The following POC5 variants were observed in gnomAD, a reference collection of about 807,000 sequenced individuals.
POC5 encodes POC5 centriolar protein.
POC5 carries 48 observed loss-of-function variants against 62.9 expected under a neutral mutation model. The observed-to-expected ratio is 0.76, with a 90% CI of 0.61 to 0.97. POC5 has a LOEUF of 0.97. POC5 is among the 50% of genes least tolerant of loss of function. The pLI is 0.00. For synonymous variants in POC5, 236 were observed against 228.2 expected (o/e 1.03, Z -0.31); for missense variants, 696 against 679.5 (o/e 1.02, Z -0.27).
chr5:75,705,910 G>A (rs1777098692), intron 3 of POC5, 123 bp from the exon 4 acceptor site: 11 of 566,844 alleles, frequency 1.9e-5, no homozygotes, highest in South Asian at 2.8e-5. Flanking sequence ...CAACATGCTG[G>A]GGATATAGGA....
rs199744659 is a variant in POC5, at chr5:75,707,834, T to C, written c.126A>G (p.Pro42=). The C allele has an allele frequency of 1.1e-3, 1,693 of 1,590,662 alleles. 12 individuals carry two copies. The highest frequency in any genetic ancestry group is 8.8e-3 in the South Asian group (776 of 87,780). ...ACTGTGAAGCACAGGGTTCAATATTTGGAGTCACTATAGCATAATGAAGCA... is the reference window on the plus strand; with the variant it reads ...ACTGTGAAGCACAGGGTTCAATATTCGGAGTCACTATAGCATAATGAAGCA... ...EELLHYAIVT[P]NIEPCASQSS... The change falls in exon 3 of 12, where the codon CCA becomes CCG. Residue 42 remains proline, a synonymous_variant. Coordinates refer to ENST00000428202, the MANE Select transcript of POC5 (RefSeq NM_001099271.2).
At chr5:75,674,672 C>T in intron 11 of POC5, 94 bp from the exon 12 acceptor site, 1 of 1,443,882 alleles carries the variant, frequency 6.9e-7, no homozygotes, top group South Asian at 1.3e-5. Context: ...ACCCAATAAA[C>T]ATTTGTTAAG....
At chr5:75,708,813 T>C (rs2112202397) in intron 2 of POC5, among the ~76,000 whole-genome samples, 1 of 152,282 alleles carries the variant, frequency 6.6e-6, no homozygotes, top group South Asian at 2.1e-4. Context: ...GCTTCAACCT[T>C]GATTTCTTGA....
chr5:75,683,999 C>T (rs1269335239), intron 10 of POC5, among the ~76,000 whole-genome samples: 3 of 152,122 alleles, frequency 2.0e-5, no homozygotes, highest in Admixed American at 1.3e-4. Flanking sequence ...CCAATATGCC[C>T]GGCCTCTTAC....
At chr5:75,701,769 T>A (rs1007143764) in intron 5 of POC5, among the ~76,000 whole-genome samples, 7 of 152,118 alleles carry the variant, frequency 4.6e-5, no homozygotes, top group African/African-American at 1.7e-4. Flanking sequence ...CACTTACTAT[T>A]TCTGCAATAC....
chr5:75,712,160 T>G (rs997384687), intron 2 of POC5: 1 of 226,458 alleles, frequency 4.4e-6, no homozygotes, highest in Admixed American at 6.5e-5. Flanking sequence ...TTTTCTCATA[T>G]CGTACAGAAT....
At chr5:75,681,236 T>G (rs73124801) in intron 10 of POC5, among the ~76,000 whole-genome samples, 11,592 of 152,192 alleles carry the variant, frequency 0.076, 464 homozygotes, top group South Asian at 0.11. Flanking sequence ...CTTAGGCAAG[T>G]TGCATACTCT....
At chr5:75,715,583 C>T (rs1304914253) in intron 1 of POC5, among the ~76,000 whole-genome samples, 1 of 152,126 alleles carries the variant, frequency 6.6e-6, no homozygotes, top group Non-Finnish European at 1.5e-5. Flanking sequence ...CAATCACTTC[C>T]CTTCCCCTAC....
At chr5:75,708,844 T>C (rs1293046680) in intron 2 of POC5, among the ~76,000 whole-genome samples, 1 of 152,204 alleles carries the variant, frequency 6.6e-6, no homozygotes, top group Non-Finnish European at 1.5e-5. Flanking sequence ...TTTTCTTCTT[T>C]TTTTTTGAGA....
chr5:75,689,698 A>G (rs2112114866), intron 8 of POC5: 1 of 982,334 alleles, frequency 1.0e-6, no homozygotes, highest in South Asian at 4.7e-5. Context: ...AATTATTTGT[A>G]TTATGGATTT....
chr5:75,704,109 C>T (rs181850137), intron 4 of POC5, among the ~76,000 whole-genome samples: 70 of 149,228 alleles, frequency 4.7e-4, no homozygotes, highest in African/African-American at 8.4e-4. Context: ...GAGCCGAGAT[C>T]GTGCCACCCA....
chr5:75,682,517 C>CTTTTT (rs3041691), intron 10 of POC5, among the ~76,000 whole-genome samples: 13 of 134,684 alleles, frequency 9.7e-5, no homozygotes, highest in African/African-American at 3.4e-4. Flanking sequence ...TTATTTCTTT[C>CTTTTT]TTTTTTTTTT....
chr5:75,677,226 A>T (rs1039051165), intron 11 of POC5, among the ~76,000 whole-genome samples: 7 of 152,248 alleles, frequency 4.6e-5, no homozygotes, highest in African/African-American at 1.7e-4. Context: ...CTCGGGTTTT[A>T]AAATTTTTGC....
chr5:75,701,365 A>G (rs188090912), intron 5 of POC5, among the ~76,000 whole-genome samples: 5,765 of 122,682 alleles, frequency 0.047, 141 homozygotes, highest in South Asian at 0.077. Flanking sequence ...TGTGGCACAT[A>G]TACACCATGG....
At chr5:75,682,794 C>T (rs1273924380) in intron 10 of POC5, among the ~76,000 whole-genome samples, 1 of 152,146 alleles carries the variant, frequency 6.6e-6, no homozygotes, top group Non-Finnish European at 1.5e-5. Context: ...GGATTACAGG[C>T]GTGAGCCACT....
At chr5:75,703,321 A>T (rs1275614910) in intron 4 of POC5, among the ~76,000 whole-genome samples, 1 of 152,130 alleles carries the variant, frequency 6.6e-6, no homozygotes, top group Non-Finnish European at 1.5e-5. Flanking sequence ...TAACACTGGG[A>T]TTGGTTTTAA....
At chr5:75,695,237 G>A (rs936098000) in intron 5 of POC5, among the ~76,000 whole-genome samples, 1 of 152,158 alleles carries the variant, frequency 6.6e-6, no homozygotes, top group African/African-American at 2.4e-5. Flanking sequence ...GGTGATAGTG[G>A]AAAGAAACCA....
Position 75,705,734 on chromosome 5 carries a change from A to G in POC5, c.277T>C (p.Phe93Leu). 6.4e-7 allele frequency: 1 copy of G among 1,553,684 alleles called. No homozygotes were observed. Among genetic ancestry groups the G allele is most frequent in the South Asian group, 1.2e-5 (1 of 81,968 alleles). ...TAIEVGKGCD[F>L]HISSHSKTDE... Reference sequence around the variant, plus strand: ...GTCTTTGAATGACTTGAAATATGGAAATCACATCCTTTTCCAACTTCTATT... The same window carrying G: ...GTCTTTGAATGACTTGAAATATGGAGATCACATCCTTTTCCAACTTCTATT... Residue 93 changes from phenylalanine to leucine, a missense_variant, in exon 4 of 12, where the codon TTC becomes CTC. Physicochemically the swap from Phe to Leu is conservative, Grantham distance 22. Coordinates refer to ENST00000428202, the MANE Select transcript of POC5 (RefSeq NM_001099271.2).
In POC5 at chr5:75,694,696, G is replaced by A; in HGVS notation, c.649C>T (p.Leu217=). ...LCNQINELKE[L]QKTFEISIGR... Reference sequence around the variant, plus strand: ...ATGGAGATTTCAAAGGTTTTTTGCAGCTCCTTCAATTCATTGATCTGATTA... The same window carrying A: ...ATGGAGATTTCAAAGGTTTTTTGCAACTCCTTCAATTCATTGATCTGATTA... Residue 217 remains leucine (L), a synonymous_variant, in exon 6 of 12, where the codon CTG becomes TTG. Transcript: ENST00000428202. The A allele has an allele frequency of 2.5e-6, 4 of 1,576,196 alleles. No homozygotes were observed. Among genetic ancestry groups the A allele is most frequent in the Non-Finnish European group, 3.4e-6 (4 of 1,166,752 alleles).
Sources: allele counts gnomAD v4.1 joint callset (sites outside exome capture counted in the v4.1 genomes callset), GRCh38; gene constraint gnomAD v4.1.1; transcripts MANE v1.5; gene names NCBI Gene and HGNC (gene_info 2026-07-23, HGNC 2026-07-21).